The following BACH2 variants were observed in gnomAD, a reference collection of about 807,000 sequenced individuals.
BACH2 encodes transcription regulator protein BACH2.
Under a neutral mutation model 61.8 loss-of-function variants are expected in BACH2, and 5 were observed. The observed-to-expected ratio is 0.08, with a 90% confidence interval of 0.04 to 0.17. BACH2 has a LOEUF of 0.17. Among genes scored for constraint, BACH2 ranks in the 10% least tolerant of loss-of-function variants. The pLI is 1.00. For synonymous variants in BACH2, 446 were observed against 440.1 expected, an observed-to-expected ratio of 1.01 and a Z score of -0.17; for missense variants, 824 against 1,091.1, an observed-to-expected ratio of 0.76 and a Z score of 3.45.
intron 1 of BACH2, among the ~76,000 whole-genome samples, chr6:90,275,933 C>A (rs1227669467): frequency 6.6e-6 from 1 of 151,674 alleles, no homozygotes; most frequent in Non-Finnish European, 1.5e-5. Context: ...CACACCACTG[C>A]ACTCCAGCCT....
At chr6:90,103,031 T>TATATATATATATA (rs59852999) in intron 4 of BACH2, among the ~76,000 whole-genome samples, 11 of 29,212 alleles carry the variant, frequency 3.8e-4, no homozygotes, top group African/African-American at 1.3e-3. Flanking sequence ...ATATATATAT[T>TATATATATATATA]TTTTTTTTTT....
intron 6 of BACH2, among the ~76,000 whole-genome samples, chr6:89,961,173 C>G (rs1584535325): frequency 6.6e-6 from 1 of 151,942 alleles, no homozygotes; most frequent in East Asian, 1.9e-4. Flanking sequence ...TCATATTTAC[C>G]CTAAAAGCAT....
intron 6 of BACH2, among the ~76,000 whole-genome samples, chr6:89,996,735 A>G (rs1043542088): frequency 6.6e-6 from 1 of 152,094 alleles, no homozygotes; most frequent in East Asian, 1.9e-4. Context: ...CCTTCCCTCC[A>G]CCTGAACCTC....
At chr6:90,253,326 G>T (rs1562527546) in intron 2 of BACH2, among the ~76,000 whole-genome samples, 1 of 152,196 alleles carries the variant, frequency 6.6e-6, no homozygotes, top group Admixed American at 6.5e-5. Flanking sequence ...GCAAAAAGGA[G>T]TGAGATCAGA....
intron 1 of BACH2, among the ~76,000 whole-genome samples, chr6:90,296,092 G>C (rs1042031451): frequency 6.6e-6 from 1 of 152,024 alleles, no homozygotes; most frequent in Non-Finnish European, 1.5e-5. Context: ...GACAGCTGCT[G>C]CGGCTCGCGC....
chr6:89,951,070 T>A lies in BACH2; in HGVS notation c.1036A>T (p.Ser346Cys). 1 of 1,612,224 alleles carries A rather than the reference T, an allele frequency of 6.2e-7. No homozygotes were observed. Among genetic ancestry groups the A allele is most frequent in the Non-Finnish European group, 8.5e-7 (1 of 1,179,108 alleles). ...ASPSCLRSLF[S>C]ITKSVELSGL... ...GACAGCTCCACACTTTTCGTTATGC[T>A]GAACAGAGACCTTAAGCAGGAGGGC... Residue 346 changes from serine to cysteine, a missense_variant, in exon 7 of 9, where the codon AGC becomes TGC. Coordinates refer to ENST00000257749, the MANE Select transcript of BACH2 (RefSeq NM_021813.4). The surrounding 1 kb of genome is among the most constrained non-coding windows in gnomAD (Gnocchi z 6.4).
intron 3 of BACH2, among the ~76,000 whole-genome samples, chr6:90,224,096 T>C (rs1769832013): frequency 6.6e-6 from 1 of 152,254 alleles, no homozygotes; most frequent in African/African-American, 2.4e-5. Context: ...TTGGAAATTA[T>C]AACAGTTCTT....
At chr6:90,200,860 T>C (rs1235792052) in intron 4 of BACH2, among the ~76,000 whole-genome samples, 1 of 152,140 alleles carries the variant, frequency 6.6e-6, no homozygotes, top group East Asian at 1.9e-4. Context: ...ATATTTTTAG[T>C]ATGAAAGAAA....
intron 5 of BACH2, among the ~76,000 whole-genome samples, chr6:90,029,315 T>TTATGTG (rs1227779352): frequency 1.2e-4 from 19 of 152,262 alleles, no homozygotes; most frequent in African/African-American, 4.1e-4. Context: ...TAGAGTCTCC[T>TTATGTG]TATGTGTGAA....
intron 2 of BACH2, among the ~76,000 whole-genome samples, chr6:90,266,941 C>T (rs183751798): frequency 9.9e-5 from 15 of 152,220 alleles, no homozygotes; most frequent in South Asian, 2.1e-4. Context: ...CACATGGCAA[C>T]GCATAGTCTT....
At chr6:90,210,312 AAC>A (rs3072671) in intron 3 of BACH2, among the ~76,000 whole-genome samples, 26,384 of 146,910 alleles carry the variant, frequency 0.18, 3,289 homozygotes, top group African/African-American at 0.36. Flanking sequence ...ACCCCAAAAC[AAC>A]ACACACACAC....
chr6:90,286,804 A>T (rs979016209), intron 1 of BACH2, among the ~76,000 whole-genome samples: 2 of 152,190 alleles, frequency 1.3e-5, no homozygotes, highest in African/African-American at 4.8e-5. Context: ...TACCGGTTTT[A>T]AGTACTGTTT....
chr6:90,283,765 A>C (rs958800498), intron 1 of BACH2, among the ~76,000 whole-genome samples: 2 of 152,080 alleles, frequency 1.3e-5, no homozygotes, highest in African/African-American at 2.4e-5. Context: ...CCCAGCACTT[A>C]GGGAGGCTGA....
intron 6 of BACH2, among the ~76,000 whole-genome samples, chr6:89,961,944 A>T (rs1000327624): frequency 2.6e-5 from 4 of 152,216 alleles, no homozygotes; most frequent in Non-Finnish European, 4.4e-5. Context: ...TTGATAAGCC[A>T]TGTGTCCATT....
intron 1 of BACH2, among the ~76,000 whole-genome samples, chr6:90,281,167 T>C (rs1771847603): frequency 6.6e-6 from 1 of 152,244 alleles, no homozygotes; most frequent in Admixed American, 6.5e-5. Context: ...AATGTGGCCT[T>C]AAGGAGGTGT....
At chr6:89,959,842 G>A (rs1480729849) in intron 6 of BACH2, among the ~76,000 whole-genome samples, 1 of 152,122 alleles carries the variant, frequency 6.6e-6, no homozygotes, top group African/African-American at 2.4e-5. Context: ...TTGTTTCCTA[G>A]GCTCTTTTGC....
At chr6:90,231,780 T>C (rs1490276952) in intron 3 of BACH2, among the ~76,000 whole-genome samples, 1 of 152,238 alleles carries the variant, frequency 6.6e-6, no homozygotes, top group Non-Finnish European at 1.5e-5. Context: ...TCACTGTGTA[T>C]TCTAAGTCCA....
intron 4 of BACH2, among the ~76,000 whole-genome samples, chr6:90,180,902 G>A (rs925165050): frequency 5.3e-5 from 8 of 149,944 alleles, no homozygotes; most frequent in African/African-American, 2.0e-4. Flanking sequence ...TTCCTCACAT[G>A]TTTTATCCAC....
At chr6:89,993,012 A>G (rs1211189414) in intron 6 of BACH2, among the ~76,000 whole-genome samples, 2 of 151,992 alleles carry the variant, frequency 1.3e-5, no homozygotes, top group South Asian at 2.1e-4. Context: ...GAGACACCAG[A>G]GCACTGTCCA....
Sources: allele counts gnomAD v4.1 joint callset (sites outside exome capture counted in the v4.1 genomes callset), GRCh38; gene constraint gnomAD v4.1.1; non-coding constraint Gnocchi (gnomAD v3.1); transcripts MANE v1.5; gene names NCBI Gene and HGNC (gene_info 2026-07-23, HGNC 2026-07-21).